The following QSER1 variants were observed in gnomAD, a reference collection of about 807,000 sequenced individuals.
QSER1 encodes the protein glutamine and serine rich 1.
In QSER1, 49 loss-of-function variants were observed where a neutral mutation model predicts 158.5. The observed-to-expected ratio is 0.31, with a 90% confidence interval of 0.25 to 0.39. The LOEUF (loss-of-function observed/expected upper bound fraction) is 0.39, where lower values mean the gene tolerates loss of function less well. Ranked by LOEUF, QSER1 falls within the 10% of genes least tolerant of loss-of-function variation. The probability of loss-of-function intolerance (pLI) is 1.00; values close to 1 mark genes in which losing one functional copy is unlikely to be tolerated. For missense variants in QSER1, 1,754 were observed against 2,010.3 expected, an observed-to-expected ratio of 0.87 and a Z score of 2.44; for synonymous variants, 650 against 715.5, an observed-to-expected ratio of 0.91 and a Z score of 1.46.
chr11:32,897,741 CT>C (rs1423656866), intron 1 of QSER1, among the ~76,000 whole-genome samples: 2 of 152,204 alleles, frequency 1.3e-5, no homozygotes, highest in Non-Finnish European at 1.5e-5. Context: ...TCAGACTCTT[CT>C]GAAAACCTGA....
At chr11:32,906,200 A>C (rs1851690882) in intron 1 of QSER1, among the ~76,000 whole-genome samples, 1 of 147,946 alleles carries the variant, frequency 6.8e-6, no homozygotes, top group African/African-American at 2.5e-5. Flanking sequence ...AGGCGGGTGG[A>C]TCACTTGAGG....
chr11:32,906,899 T>C (rs565205862), intron 1 of QSER1, among the ~76,000 whole-genome samples: 1 of 152,314 alleles, frequency 6.6e-6, no homozygotes, highest in Admixed American at 6.5e-5. Flanking sequence ...GCTATGTATC[T>C]CTTTCAACCA....
At chr11:32,909,544 A>G (rs779593870) in intron 1 of QSER1, among the ~76,000 whole-genome samples, 3 of 151,872 alleles carry the variant, frequency 2.0e-5, no homozygotes, top group Non-Finnish European at 2.9e-5. Context: ...GGTTCAAGCA[A>G]TTCTCCTGCC....
chr11:32,933,011 CTT>C lies in QSER1; in HGVS notation c.1755_1756del (p.Ser586ArgfsTer31). On this transcript the variant is annotated frameshift_variant, in exon 4 of 13. Transcript: ENST00000650167. LOFTEE classifies it high-confidence loss of function. The part of the protein sequence containing the change: ...SQSQVLSVVS[L>X]SESYASGESL... The stretch of plus-strand genomic sequence containing the variant: ...ATCACAAGTTTTGTCAGTTGTTAGT[CTT>C]TCAGAAAGCTATGCTTCAGGGGAGT... The C allele has an allele frequency of 6.2e-7, 1 of 1,612,358 alleles. No homozygotes were observed.
chr11:32,933,918 A>G lies in QSER1; in HGVS notation c.2660A>G (p.Gln887Arg). 1 of 1,614,026 alleles carries G rather than the reference A, an allele frequency of 6.2e-7. No homozygotes were observed. The highest frequency in any genetic ancestry group is 1.7e-4 in the Middle Eastern group (1 of 6,060). Residue 887 changes from glutamine to arginine, a missense_variant, in exon 4 of 13, where the codon CAA becomes CGA. Gln to Arg is a conservative substitution (Grantham distance 43, BLOSUM62 1). Coordinates refer to ENST00000650167, the MANE Select transcript of QSER1 (RefSeq NM_001076786.3). ...VKASLQAQRV[Q>R]SPQQIVHPFL... ...GCATCTTTACAAGCACAGCGTGTTC[A>G]AAGCCCTCAACAAATAGTACATCCC...
intron 1 of QSER1, among the ~76,000 whole-genome samples, chr11:32,900,946 TCGTTTATTAC>T (rs1851617380): frequency 6.6e-6 from 1 of 152,340 alleles, no homozygotes; most frequent in Admixed American, 6.5e-5. Context: ...TTTATATGTA[TCGTTTATTAC>T]CACCCTTTCC....
At chr11:32,956,815 A>C (rs973779034) in intron 7 of QSER1, among the ~76,000 whole-genome samples, 2 of 152,200 alleles carry the variant, frequency 1.3e-5, no homozygotes, top group African/African-American at 2.4e-5. Context: ...TCACCCTGTC[A>C]CTAAGGCTGC....
At chr11:32,928,248 C>A (rs1299340289) in intron 3 of QSER1, 125 bp downstream of exon 3, 3 of 633,048 alleles carry the variant, frequency 4.7e-6, no homozygotes, top group Admixed American at 3.1e-5. Flanking sequence ...AACTTTAAGA[C>A]CTGGAATTTT....
chr11:32,900,922 A>G (rs552226066), intron 1 of QSER1, among the ~76,000 whole-genome samples: 8 of 152,310 alleles, frequency 5.3e-5, no homozygotes, highest in Non-Finnish European at 7.3e-5. Context: ...CACTCTCTGG[A>G]GTAATTTTGT....
intron 4 of QSER1, among the ~76,000 whole-genome samples, chr11:32,937,031 C>T (rs1438247303): frequency 3.9e-5 from 6 of 152,170 alleles, no homozygotes; most frequent in Non-Finnish European, 8.8e-5. Context: ...GCTTTGCAAT[C>T]GCTATTATAT....
chr11:32,932,142 A>G lies in QSER1; in HGVS notation c.884A>G (p.Tyr295Cys), dbSNP rs760500075. 148 of 1,614,154 alleles carry G rather than the reference A, an allele frequency of 9.2e-5. No homozygotes were observed. Among genetic ancestry groups the G allele is most frequent in the Admixed American group, 3.0e-4 (18 of 60,008 alleles). The change falls in exon 4 of 13, where the codon TAC (tyrosine) becomes TGC (cysteine). Residue 295 changes from tyrosine to cysteine, a missense_variant. Transcript: ENST00000650167. Reference protein sequence around the residue: ...LGGSQQTPQAYSSTLFTSSTA... With the variant: ...LGGSQQTPQACSSTLFTSSTA... The stretch of plus-strand genomic sequence containing the variant: ...GGATCCCAGCAGACTCCTCAAGCCT[A>G]CAGTTCAACTCTCTTTACTAGTTCT...
intron 1 of QSER1, among the ~76,000 whole-genome samples, chr11:32,913,179 CT>C (rs61685246): frequency 0.031 from 1,676 of 54,164 alleles, 8 homozygotes; most frequent in African/African-American, 0.057. Flanking sequence ...TCTCCTCTTC[CT>C]TTTTTTTTTT....
At chr11:32,969,984 C>T (rs946499185) in intron 10 of QSER1, among the ~76,000 whole-genome samples, 1 of 152,114 alleles carries the variant, frequency 6.6e-6, no homozygotes, top group Non-Finnish European at 1.5e-5. Flanking sequence ...TGCACCCGGC[C>T]GAGCTTTTTA....
intron 1 of QSER1, among the ~76,000 whole-genome samples, chr11:32,905,363 A>C (rs557517545): frequency 6.6e-6 from 1 of 152,224 alleles, no homozygotes; most frequent in Non-Finnish European, 1.5e-5. Context: ...GGTTGAGCAA[A>C]ACTGCAAGAT....
chr11:32,912,426 T>C (rs961533452), intron 1 of QSER1, among the ~76,000 whole-genome samples: 1 of 152,214 alleles, frequency 6.6e-6, no homozygotes, highest in South Asian at 2.1e-4. Flanking sequence ...TCTTTAAGGT[T>C]TGTTCTGTTC....
chr11:32,908,425 T>C lies in QSER1; in HGVS notation c.209+15091T>C, dbSNP rs185065977. Among the ~76,000 whole-genome samples, 146 of 152,336 alleles carry C rather than the reference T, an allele frequency of 9.6e-4. 1 individual carries two copies. In the East Asian group the frequency reaches 0.021, roughly 22 times the overall value. On this transcript the variant is annotated intron_variant, in intron 1 of 12. Coordinates refer to ENST00000650167, the MANE Select transcript of QSER1 (RefSeq NM_001076786.3). ...TTACAAATGCCAACATCTGTCTCTT[T>C]TTGTTGTGAATACTCTTTGGAACTG...
At chr11:32,913,033 A>T (rs759101112) in intron 1 of QSER1, among the ~76,000 whole-genome samples, 2 of 152,028 alleles carry the variant, frequency 1.3e-5, no homozygotes, top group African/African-American at 4.8e-5. Context: ...TGTCTACCTC[A>T]TATCCCTGTT....
intron 3 of QSER1, among the ~76,000 whole-genome samples, chr11:32,930,184 C>T (rs1852027524): frequency 6.6e-6 from 1 of 152,104 alleles, no homozygotes; most frequent in Non-Finnish European, 1.5e-5. Context: ...TAGGAGATCT[C>T]TGGTAAAGAG....
At chr11:32,913,206 T>C (rs1222626947) in intron 1 of QSER1, among the ~76,000 whole-genome samples, 1 of 144,826 alleles carries the variant, frequency 6.9e-6, no homozygotes, top group Non-Finnish European at 1.5e-5. Flanking sequence ...TTTTTTTTTT[T>C]TTAAGATGGA....
Sources: gnomAD v4.1 joint callset for allele counts (sites outside exome capture counted in the v4.1 genomes callset) on GRCh38, gnomAD v4.1.1 for gene constraint, MANE v1.5 for transcripts, NCBI Gene and HGNC (gene_info 2026-07-23, HGNC 2026-07-21) for gene names.